Variants in PARD3B observed in about 807,000 individuals in gnomAD.
PARD3B encodes par-3 family cell polarity regulator beta.
In PARD3B, 103 loss-of-function variants were observed where a neutral mutation model predicts 130.2. The observed-to-expected ratio is 0.79, with a 90% CI of 0.67 to 0.93. The LOEUF (loss-of-function observed/expected upper bound fraction) is 0.93, where lower values mean the gene tolerates loss of function less well. PARD3B is among the 40% of genes least tolerant of loss of function. The probability of loss-of-function intolerance (pLI) is 0.00; values close to 1 mark genes in which losing one functional copy is unlikely to be tolerated. For missense variants in PARD3B, 1,609 were observed against 1,499.2 expected, an observed-to-expected ratio of 1.07 and a Z score of -1.21; for synonymous variants, 583 against 553.2, an observed-to-expected ratio of 1.05 and a Z score of -0.76.
chr2:204,583,622 T>TAAAAAAAAAAAAAAAAAAAAA (rs1183973275), intron 1 of PARD3B, among the ~76,000 whole-genome samples: 1 of 70,754 alleles, frequency 1.4e-5, no homozygotes, highest in Non-Finnish European at 3.0e-5. Context: ...ACTTAAAGTA[T>TAAAAAAAAAAAAAAAAAAAAA]AAAAAAAAAA....
At position 204,826,763 on chromosome 2, in the gene PARD3B, T is replaced by C. The variant is rs1372202150; in HGVS notation, c.223-138389T>C. 2.0e-5 allele frequency among the ~76,000 whole-genome samples: 3 copies of C among 152,210 alleles called. No homozygotes were observed. The East Asian group carries it at 5.8e-4, about 29-fold the overall frequency. ...GGCTGGGCATGGTGGCTCATGCTTGTAATCCAAGCACTTTGGGAGGCTGAG... is the reference window on the plus strand; with the variant it reads ...GGCTGGGCATGGTGGCTCATGCTTGCAATCCAAGCACTTTGGGAGGCTGAG... On this transcript the variant is annotated intron_variant, in intron 2 of 22. Transcript: ENST00000406610.
intron 4 of PARD3B, among the ~76,000 whole-genome samples, chr2:205,098,567 A>G (rs952020025): frequency 6.6e-6 from 1 of 152,246 alleles, no homozygotes; most frequent in African/African-American, 2.4e-5. Flanking sequence ...AAAAAAAAGT[A>G]TCAATAGTGT....
chr2:205,250,342 G>A (rs997512948), intron 16 of PARD3B, among the ~76,000 whole-genome samples: 4 of 151,942 alleles, frequency 2.6e-5, no homozygotes, highest in East Asian at 1.9e-4. Context: ...GAAGAAGGCC[G>A]ATGAGTTCTT....
At chr2:205,508,177 G>A (rs896452201) in intron 21 of PARD3B, among the ~76,000 whole-genome samples, 1 of 152,176 alleles carries the variant, frequency 6.6e-6, no homozygotes, top group Non-Finnish European at 1.5e-5. Flanking sequence ...ACATAGAGTT[G>A]CTCTGTTTAT....
chr2:205,504,140 G>A (rs1420139942), intron 21 of PARD3B, among the ~76,000 whole-genome samples: 1 of 152,086 alleles, frequency 6.6e-6, no homozygotes, highest in Admixed American at 6.6e-5. Context: ...CAAGAAATGG[G>A]GAAATAATTC....
At chr2:204,563,217 GTCTC>G (rs35536964) in intron 1 of PARD3B, among the ~76,000 whole-genome samples, 5,750 of 86,532 alleles carry the variant, frequency 0.066, 168 homozygotes, top group South Asian at 0.15. Flanking sequence ...TCTTCCCGCT[GTCTC>G]TCTCTCTCTC....
At chr2:205,324,732 C>G (rs781763149) in intron 18 of PARD3B, among the ~76,000 whole-genome samples, 54 of 151,968 alleles carry the variant, frequency 3.6e-4, no homozygotes, top group Non-Finnish European at 5.6e-4. Flanking sequence ...ACCTCTATAC[C>G]CAGTCCTCCT....
At chr2:204,637,703 A>G (rs182288801) in intron 1 of PARD3B, among the ~76,000 whole-genome samples, 1 of 150,834 alleles carries the variant, frequency 6.6e-6, no homozygotes, top group Non-Finnish European at 1.5e-5. Context: ...ATAATAGTTT[A>G]TGATACCTTT....
chr2:205,449,483 G>A (rs936837125), intron 20 of PARD3B, among the ~76,000 whole-genome samples: 12 of 152,070 alleles, frequency 7.9e-5, no homozygotes, highest in South Asian at 4.1e-4. Context: ...CACCCGCCTA[G>A]GCCTCCCAAA....
intron 10 of PARD3B, among the ~76,000 whole-genome samples, chr2:205,156,071 A>G (rs1335286961): frequency 1.3e-5 from 2 of 152,080 alleles, no homozygotes; most frequent in East Asian, 1.9e-4. Context: ...ACCATGGAAT[A>G]CTATGCAGCC....
intron 1 of PARD3B, among the ~76,000 whole-genome samples, chr2:204,646,773 A>G (rs112343162): frequency 2.7e-3 from 412 of 152,152 alleles, no homozygotes; most frequent in African/African-American, 9.1e-3. Flanking sequence ...TTAGTATTAC[A>G]GCTGCTCCTT....
chr2:205,102,966 G>A (rs944480016), intron 4 of PARD3B, among the ~76,000 whole-genome samples: 2 of 151,942 alleles, frequency 1.3e-5, no homozygotes, highest in Non-Finnish European at 1.5e-5. Flanking sequence ...CACTCGGGAG[G>A]CTGAGCCAGG....
chr2:205,391,804 C>G (rs2105980027), intron 18 of PARD3B, among the ~76,000 whole-genome samples: 1 of 152,256 alleles, frequency 6.6e-6, no homozygotes, highest in Non-Finnish European at 1.5e-5. Context: ...CTTGCCCACT[C>G]ATTCACGCTT....
intron 3 of PARD3B, among the ~76,000 whole-genome samples, chr2:205,006,652 T>C (rs1180733460): frequency 6.6e-6 from 1 of 152,150 alleles, no homozygotes; most frequent in Non-Finnish European, 1.5e-5. Flanking sequence ...CACTTTTTGA[T>C]GGGATTATTT....
In PARD3B at chr2:204,906,452, A is replaced by C. The variant is rs1299071243; in HGVS notation, c.223-58700A>C. Among the ~76,000 whole-genome samples the C allele has an allele frequency of 1.3e-5, 2 of 152,130 alleles. No homozygotes were observed. The highest frequency in any genetic ancestry group is 4.8e-5 in the African/African-American group (2 of 41,428). Reference sequence around the variant, plus strand: ...AAATGAATGAATATGGGAAGAGAGAATTCTCCTCCCGTGCCAGTTATATAT... The same window carrying C: ...AAATGAATGAATATGGGAAGAGAGACTTCTCCTCCCGTGCCAGTTATATAT... On this transcript the variant is annotated intron_variant, in intron 2 of 22. Transcript: ENST00000406610. This position sits in a 1 kb window ranked among gnomAD's most constrained non-coding sequence, Gnocchi z 4.3.
intron 2 of PARD3B, among the ~76,000 whole-genome samples, chr2:204,838,966 T>C (rs1334386514): frequency 1.3e-5 from 2 of 152,218 alleles, no homozygotes; most frequent in African/African-American, 2.4e-5. Context: ...CTGTTCACTA[T>C]GTGTAGATCA....
At chr2:205,120,991 G>A (rs1020141117) in intron 7 of PARD3B, among the ~76,000 whole-genome samples, 1 of 152,200 alleles carries the variant, frequency 6.6e-6, no homozygotes, top group African/African-American at 2.4e-5. Context: ...GTTGCTCTGT[G>A]TGAGAGTAAC....
At chr2:205,260,002 T>TACATTGA (rs1302445003) in intron 16 of PARD3B, among the ~76,000 whole-genome samples, 6 of 152,178 alleles carry the variant, frequency 3.9e-5, no homozygotes, top group Non-Finnish European at 7.4e-5. Flanking sequence ...AAAGTTTGTG[T>TACATTGA]ACATTGAACC....
rs774379807 is a variant in PARD3B, at chr2:205,366,935, G to C, written c.2631-34078G>C. 1.3e-5 allele frequency among the ~76,000 whole-genome samples: 2 copies of C among 152,132 alleles called. No homozygotes were observed. The highest frequency in any genetic ancestry group is 2.9e-5 in the Non-Finnish European group (2 of 68,026). ...AGCGGAAGCTGAATCATCACACTTA[G>C]GTCTGGGAAGCTGTAAAAACAAAAC... On this transcript the variant is annotated intron_variant, in intron 18 of 22. Coordinates refer to ENST00000406610, the MANE Select transcript of PARD3B (RefSeq NM_001302769.2). This position sits in a 1 kb window ranked among gnomAD's most constrained non-coding sequence, Gnocchi z 5.0.
Sources: gnomAD v4.1 joint callset for allele counts (sites outside exome capture counted in the v4.1 genomes callset) on GRCh38, gnomAD v4.1.1 for gene constraint, Gnocchi (gnomAD v3.1) non-coding constraint, MANE v1.5 for transcripts, NCBI Gene and HGNC (gene_info 2026-07-23, HGNC 2026-07-21) for gene names.